The following TENM1 variants were observed in gnomAD, a reference collection of about 807,000 sequenced individuals.
The protein encoded by TENM1 is teneurin transmembrane protein 1.
A neutral mutation model predicts 174.8 loss-of-function variants in TENM1; 35 were observed. The ratio of observed to expected loss-of-function variants is 0.20; its 90% CI spans 0.15 to 0.27. The LOEUF is 0.27. TENM1 is among the 10% of genes least tolerant of loss of function. TENM1 has a pLI of 1.00. For missense variants in TENM1, 1,633 were observed against 2,130.1 expected, an observed-to-expected ratio of 0.77 and a Z score of 4.59; for synonymous variants, 781 against 798.7, an observed-to-expected ratio of 0.98 and a Z score of 0.37.
chrX:125,130,149 T>A, the TENM1 span, among the ~76,000 whole-genome samples: 1 of 111,496 alleles, frequency 9.0e-6, no homozygotes, highest in East Asian at 2.8e-4. Context: ...AATTGAAGCT[T>A]GGAAACATTC....
At chrX:124,449,381 G>A (rs969275183) in intron 23 of TENM1, among the ~76,000 whole-genome samples, 2 of 111,994 alleles carry the variant, frequency 1.8e-5, no homozygotes, top group Non-Finnish European at 3.8e-5. Flanking sequence ...TTTATGGTGG[G>A]AATTATGTTT....
At chrX:125,186,107 G>A in the TENM1 span, among the ~76,000 whole-genome samples, 2 of 109,867 alleles carry the variant, frequency 1.8e-5, no homozygotes, top group Non-Finnish European at 3.8e-5. Flanking sequence ...TTCCACTAGT[G>A]TAAACAATTT....
chrX:124,549,853 A>G (rs1239103239), intron 14 of TENM1, among the ~76,000 whole-genome samples: 9 of 111,288 alleles, frequency 8.1e-5, no homozygotes, highest in African/African-American at 2.6e-4. Flanking sequence ...ACTGTTGCAA[A>G]GAAGTGCAAA....
At chrX:124,938,734 A>G (rs1000972618) in intron 1 of TENM1, among the ~76,000 whole-genome samples, 23 of 112,170 alleles carry the variant, frequency 2.1e-4, no homozygotes, top group Admixed American at 2.8e-4. Context: ...ACATGTGTGG[A>G]TTTCTTAGTG....
In TENM1 at chrX:124,420,135, T is replaced by C. The variant is rs2072885; in HGVS notation, c.4982+176A>G. ...TGCTCTGCAAACTGCTCTGGAAAAA[T>C]GGGTCTGAACTCTAGGAATTAGGTA... On this transcript the variant is annotated intron_variant, in intron 25 of 31. Transcript: ENST00000422452. Among the ~76,000 whole-genome samples, 50,811 of 110,423 alleles carry C rather than the reference T, an allele frequency of 0.46. 8,584 individuals are homozygous for C. The highest frequency in any genetic ancestry group is 0.52 in the Non-Finnish European group (27,639 of 52,765).
intron 18 of TENM1, among the ~76,000 whole-genome samples, chrX:124,504,087 A>G (rs2047391519): frequency 8.9e-6 from 1 of 111,802 alleles, no homozygotes; most frequent in Non-Finnish European, 1.9e-5. Context: ...GGAGAAGTGC[A>G]GGTAGGGCTG....
chrX:125,067,234 T>C, the TENM1 span, among the ~76,000 whole-genome samples: 1 of 111,244 alleles, frequency 9.0e-6, no homozygotes, highest in Non-Finnish European at 1.9e-5. Flanking sequence ...AAAGAAAGGG[T>C]TATTTTTTCT....
intron 3 of TENM1, among the ~76,000 whole-genome samples, chrX:124,781,251 T>G (rs2054903610): frequency 8.9e-6 from 1 of 111,826 alleles, no homozygotes; most frequent in Non-Finnish European, 1.9e-5. Context: ...TTAATACATG[T>G]TTGTTAAATG....
intron 4 of TENM1, among the ~76,000 whole-genome samples, 161 bp from the exon 8 acceptor site, chrX:124,705,412 C>T (rs759105736): frequency 8.9e-6 from 1 of 111,786 alleles, no homozygotes; most frequent in African/African-American, 3.2e-5. Flanking sequence ...TTCTAAATTG[C>T]CCTTGTTGTT....
intron 27 of TENM1, among the ~76,000 whole-genome samples, chrX:124,404,692 G>A (rs143257761): frequency 5.6e-4 from 62 of 111,160 alleles, no homozygotes; most frequent in Non-Finnish European, 9.6e-4. Flanking sequence ...GACATCTCCA[G>A]GGCATGCTGG....
chrX:124,395,966 C>T (rs2060328611), intron 27 of TENM1, among the ~76,000 whole-genome samples: 1 of 111,835 alleles, frequency 8.9e-6, no homozygotes, highest in Admixed American at 9.5e-5. Flanking sequence ...CTCAAGAACA[C>T]ATTTCTTAGT....
chrX:125,182,657 GCA>G, the TENM1 span, among the ~76,000 whole-genome samples: 2 of 111,344 alleles, frequency 1.8e-5, no homozygotes, highest in African/African-American at 6.5e-5. Context: ...TCTGTGTATA[GCA>G]CAGTCCCCAA....
intron 3 of TENM1, among the ~76,000 whole-genome samples, chrX:124,791,106 A>G (rs1384169822): frequency 8.9e-6 from 1 of 112,393 alleles, no homozygotes; most frequent in African/African-American, 3.2e-5. Flanking sequence ...GTTATTTAAA[A>G]TAAATTAACA....
the TENM1 span, among the ~76,000 whole-genome samples, chrX:124,969,016 C>G: frequency 4.2e-3 from 467 of 112,101 alleles, 1 homozygote; most frequent in African/African-American, 0.014. Flanking sequence ...GCTTAATTGA[C>G]TTTTTCAGTC....
At chrX:125,160,478 G>C in the TENM1 span, among the ~76,000 whole-genome samples, 3 of 97,787 alleles carry the variant, frequency 3.1e-5, no homozygotes, top group African/African-American at 7.5e-5. Context: ...CCGGTAGGCG[G>C]AGGTTGCAGT....
chrX:125,039,360 A>G, the TENM1 span, among the ~76,000 whole-genome samples: 13 of 111,440 alleles, frequency 1.2e-4, no homozygotes, highest in African/African-American at 4.2e-4. Flanking sequence ...TGCACGACAA[A>G]GGAGGAACTA....
intron 3 of TENM1, among the ~76,000 whole-genome samples, chrX:124,750,439 G>A (rs772691695): frequency 3.6e-5 from 4 of 111,582 alleles, no homozygotes; most frequent in Admixed American, 9.5e-5. Context: ...CATGAATTTA[G>A]ACACACTGAC....
At chrX:124,791,385 A>G (rs985284937) in intron 3 of TENM1, among the ~76,000 whole-genome samples, 1 of 111,883 alleles carries the variant, frequency 8.9e-6, no homozygotes, top group Non-Finnish European at 1.9e-5. Flanking sequence ...CTAGGAAATA[A>G]TTTCTTTTGA....
At chrX:125,114,118 C>T in the TENM1 span, among the ~76,000 whole-genome samples, 3 of 111,869 alleles carry the variant, frequency 2.7e-5, no homozygotes, top group Admixed American at 1.9e-4. Context: ...CACTCAAAAT[C>T]GCACAACTAC....
Sources: gnomAD v4.1 joint callset for allele counts (sites outside exome capture counted in the v4.1 genomes callset) on GRCh38, gnomAD v4.1.1 for gene constraint, MANE v1.5 for transcripts, NCBI Gene and HGNC (gene_info 2026-07-23, HGNC 2026-07-21) for gene names.